The following BBS1 variants were observed in gnomAD, a reference collection of about 807,000 sequenced individuals.
BBS1 encodes Bardet-Biedl syndrome 1, also known as BBSome complex member BBS1.
Under a neutral mutation model 73.9 loss-of-function variants are expected in BBS1, and 60 were observed. The observed-to-expected ratio is 0.81, with a 90% CI of 0.66 to 1.01. The LOEUF is 1.01. BBS1 is among the 50% of genes least tolerant of loss of function. The pLI, the probability that BBS1 is intolerant of heterozygous loss-of-function variation, is 0.00. For missense variants in BBS1, 718 were observed against 770.3 expected, an observed-to-expected ratio of 0.93 and a Z score of 0.80; for synonymous variants, 283 against 317.4, an observed-to-expected ratio of 0.89 and a Z score of 1.15.
At position 66,511,056 on chromosome 11, in the gene BBS1, A is replaced by G. The variant is rs201026878; in HGVS notation, c.91A>G (p.Met31Val). 4 of 1,614,078 alleles carry G rather than the reference A, an allele frequency of 2.5e-6. No individual in the cohort carries two copies. The highest frequency in any genetic ancestry group is 1.6e-4 in the Middle Eastern group (1 of 6,062). ...SKWLDAHYDPMANIHTFSACL... is the reference protein window; with the variant it reads ...SKWLDAHYDPVANIHTFSACL... ...GTGGTTGGATGCGCACTACGACCCA[A>G]TGGCCAATATCCACACCTTTTCTGC... is the stretch of plus-strand genomic sequence containing the variant. The change falls in exon 2 of 17, where the codon ATG becomes GTG. Residue 31 changes from methionine to valine, a missense_variant. Met to Val is a conservative substitution (Grantham distance 21). Transcript: ENST00000318312.
chr11:66,518,847 T>A (rs1037050385), intron 7 of BBS1, among the ~76,000 whole-genome samples: 3 of 151,038 alleles, frequency 2.0e-5, no homozygotes, highest in Non-Finnish European at 2.9e-5. Flanking sequence ...AGCATTGAAC[T>A]CCTGGGATCA....
chr11:66,519,457 T>C (rs1856132171), intron 7 of BBS1, among the ~76,000 whole-genome samples, 160 bp from the exon 8 acceptor site: 1 of 152,222 alleles, frequency 6.6e-6, no homozygotes, highest in Non-Finnish European at 1.5e-5. Flanking sequence ...AAAGTTAGAT[T>C]TGTTGCAATA....
chr11:66,532,075 A>G lies in BBS1; in HGVS notation c.*38A>G. 6.4e-7 allele frequency: 1 copy of G among 1,570,322 alleles called. No homozygotes were observed. Among genetic ancestry groups the G allele is most frequent in the Non-Finnish European group, 8.6e-7 (1 of 1,158,624 alleles). On this transcript the variant is annotated 3_prime_UTR_variant, in exon 17 of 17. Transcript: ENST00000318312. ...TGTGAAAGCCCCTGCACAATCAGCC[A>G]GGGAGAACTGGGCGGGTTTAGTGGC...
At chr11:66,519,805 A>G (rs910805911) in intron 8 of BBS1, 57 bp downstream of exon 8, 22 of 1,602,992 alleles carry the variant, frequency 1.4e-5, no homozygotes, top group East Asian at 2.2e-5. Flanking sequence ...TTCTCTCCCC[A>G]TGCTCCACAG....
chr11:66,519,568 G>C (rs765548860), intron 7 of BBS1, 49 bp from the exon 8 acceptor site: 125 of 1,611,750 alleles, frequency 7.8e-5, no homozygotes, highest in Non-Finnish European at 1.1e-4. Flanking sequence ...GAGTATCTTG[G>C]GGGTGGTGTG....
chr11:66,523,831 A>G lies in BBS1; in HGVS notation c.1059A>G (p.Gly353=), dbSNP rs199692416. Residue 353 remains glycine (G), a synonymous_variant, in exon 11 of 17, where the codon GGA becomes GGG. Coordinates refer to ENST00000318312, the MANE Select transcript of BBS1 (RefSeq NM_024649.5). ...CCGTCATGGCTGGGCTGGCCAATGG[A>G]GAGGTCCGCATTTATCGTGACAAGG... ...LQAVMAGLAN[G]EVRIYRDKAL... is the part of the protein sequence containing the mutation. The G allele has an allele frequency of 1.1e-4, 172 of 1,613,626 alleles. No homozygotes were observed. The Middle Eastern group carries it at 1.3e-3, about 12-fold the overall frequency.
intron 12 of BBS1, 93 bp downstream of exon 12, chr11:66,526,285 TG>T (rs1245153089): frequency 8.1e-7 from 1 of 1,237,298 alleles, no homozygotes; most frequent in African/African-American, 1.5e-5. Context: ...AAATGAAGCA[TG>T]GGTGGACCTG....
Position 66,526,503 on chromosome 11 carries a change from C to T in BBS1, c.1181-146C>T, listed in dbSNP as rs1015123905. The T allele has an allele frequency of 3.0e-6, 3 of 1,010,622 alleles. No homozygotes were observed. The African/African-American group carries it at 4.8e-5, about 16-fold the overall frequency. The allele number at this position is 1,010,622 out of a possible 1,614,324, so 62.6% of individuals were successfully genotyped here. On this transcript the variant is annotated intron_variant, in intron 12 of 16. Coordinates refer to ENST00000318312, the MANE Select transcript of BBS1 (RefSeq NM_024649.5). The stretch of plus-strand genomic sequence containing the variant: ...AATGATGAGAGACTATTAAGATGCA[C>T]TTTGTTACTTCCAGAAACAGTCTCG...
At chr11:66,529,416 A>G (rs778850754) in intron 13 of BBS1, 56 of 1,032,206 alleles carry the variant, frequency 5.4e-5, no homozygotes, top group African/African-American at 1.6e-5. Context: ...CTGGAGACAC[A>G]TGCACAATAT....
At chr11:66,522,700 T>G (rs1856296815) in intron 9 of BBS1, among the ~76,000 whole-genome samples, 1 of 152,214 alleles carries the variant, frequency 6.6e-6, no homozygotes, top group African/African-American at 2.4e-5. Context: ...CTATGCATTA[T>G]GCAGTGTGTG....
intron 13 of BBS1, 170 bp downstream of exon 13, chr11:66,526,977 G>A (rs1212372248): frequency 6.5e-7 from 1 of 1,545,982 alleles, no homozygotes. Context: ...CACGTTGCCT[G>A]CAAATCACTG....
rs1236307892 is a variant in BBS1 at position 66,533,317 on chromosome 11, T to C, written c.*1280T>C. 6.6e-6 allele frequency: 1 copy of C among 152,132 alleles called. No homozygotes were observed. The highest frequency in any genetic ancestry group is 1.5e-5 in the Non-Finnish European group (1 of 68,020). The allele number at this position is 152,132 out of a possible 1,614,324, so 9.4% of individuals were successfully genotyped here. ...TACACAGTTTGTAACAAGAAAACAG[T>C]CTCTCCCATTCTCTAGTACTGCTCC... On this transcript the variant is annotated 3_prime_UTR_variant, in exon 17 of 17. Transcript: ENST00000318312.
rs747049051 is a variant in BBS1 at position 66,526,635 on chromosome 11, G to C, written c.1181-14G>C. 2 of 1,614,200 alleles carry C rather than the reference G, an allele frequency of 1.2e-6. No homozygotes were observed. The highest frequency in any genetic ancestry group is 3.3e-5 in the Admixed American group (2 of 60,020). On this transcript the variant is annotated splice_polypyrimidine_tract_variant and intron_variant, in intron 12 of 16. Transcript: ENST00000318312. ...TGGGGAGGACAAATCCATTTCCACT[G>C]TCCACTTCCCTAGGTGGTGGCCTGA...
In BBS1 at chr11:66,519,694, C is replaced by T. The variant is rs375121390; in HGVS notation, c.669C>T (p.Thr223=). Reference sequence around the variant, plus strand: ...CTGTGTCTTGCCTGGTGCTGGGCACCGAGAACAAGGAGCTCCTGGTGCTTG... The same window carrying T: ...CTGTGTCTTGCCTGGTGCTGGGCACTGAGAACAAGGAGCTCCTGGTGCTTG... ...EDAVSCLVLG[T]ENKELLVLDP... The change falls in exon 8 of 17, where the codon ACC becomes ACT. Residue 223 remains threonine (T), a synonymous_variant. Coordinates refer to ENST00000318312, the MANE Select transcript of BBS1 (RefSeq NM_024649.5). 182 of 1,613,692 alleles carry T rather than the reference C, an allele frequency of 1.1e-4. No individual in the cohort carries two copies. Among genetic ancestry groups the T allele is most frequent in the Non-Finnish European group, 1.4e-4 (162 of 1,179,992 alleles).
intron 15 of BBS1, 111 bp from the exon 16 acceptor site, chr11:66,531,545 C>A: frequency 7.1e-7 from 1 of 1,415,642 alleles, no homozygotes; most frequent in Non-Finnish European, 1.0e-6. Flanking sequence ...TTGTCCTGCC[C>A]ACCCTGCAGG....
rs1287720559 is a variant in BBS1 at position 66,526,698 on chromosome 11, G to A, written c.1230G>A (p.Glu410=). 6.2e-7 allele frequency: 1 copy of A among 1,614,104 alleles called. No individual in the cohort carries two copies. The highest frequency in any genetic ancestry group is 8.5e-7 in the Non-Finnish European group (1 of 1,180,040). ...KILKRTAVFV[E]GGSEVGPPPA... ...TGAAGCGTACAGCAGTGTTTGTAGA[G>A]GGAGGAAGTGAGGTGGGTCCCCCAC... The change falls in exon 13 of 17, where the codon GAG becomes GAA. Residue 410 remains glutamate, a synonymous_variant. Transcript: ENST00000318312.
intron 11 of BBS1, among the ~76,000 whole-genome samples, chr11:66,525,315 C>T (rs1032231026): frequency 1.3e-4 from 20 of 151,946 alleles, no homozygotes; most frequent in African/African-American, 4.4e-4. Flanking sequence ...ACTGAGATCG[C>T]GCCACTGCAC....
intron 11 of BBS1, 30 bp downstream of exon 11, chr11:66,523,912 ACTC>A (rs1473458126): frequency 2.5e-6 from 4 of 1,610,372 alleles, no homozygotes; most frequent in Non-Finnish European, 2.5e-6. Flanking sequence ...TCTGCCACTC[ACTC>A]CTCCTTGCCC....
Position 66,519,631 on chromosome 11 carries a change from C to T in BBS1, c.606C>T (p.Thr202=), listed in dbSNP as rs372141621. Residue 202 remains threonine (T), a synonymous_variant, in exon 8 of 17, where the codon ACC becomes ACT. Transcript: ENST00000318312. ...NSIKRQTVIT[T]MTTLKKNLAD... is the part of the protein sequence containing the mutation. The stretch of plus-strand genomic sequence containing the variant: ...TCCTTCTGTAGACAGTCATCACCAC[C>T]ATGACCACCTTGAAGAAGAACCTGG... 5.0e-6 allele frequency: 8 copies of T among 1,613,772 alleles called. No individual in the cohort carries two copies. The highest frequency in any genetic ancestry group is 2.7e-5 in the African/African-American group (2 of 74,908).
Sources: gnomAD v4.1 joint callset for allele counts (sites outside exome capture counted in the v4.1 genomes callset) on GRCh38, gnomAD v4.1.1 for gene constraint, MANE v1.5 for transcripts, NCBI Gene and HGNC (gene_info 2026-07-23, HGNC 2026-07-21) for gene names.